Variants in RPTOR observed in about 807,000 individuals in gnomAD.
RPTOR encodes regulatory-associated protein of mTOR.
Under a neutral mutation model 169.9 loss-of-function variants are expected in RPTOR, and 21 were observed. The observed-to-expected ratio is 0.12, with a 90% CI of 0.09 to 0.18. RPTOR has a LOEUF of 0.18. Among genes scored for constraint, RPTOR ranks in the 10% least tolerant of loss-of-function variants. The probability of loss-of-function intolerance (pLI) is 1.00; values close to 1 mark genes in which losing one functional copy is unlikely to be tolerated. For synonymous variants in RPTOR, 732 were observed against 753.2 expected, an observed-to-expected ratio of 0.97 and a Z score of 0.46; for missense variants, 1,133 against 1,855.9, an observed-to-expected ratio of 0.61 and a Z score of 7.16.
chr17:80,628,195 A>G (rs2065411042), intron 2 of RPTOR, among the ~76,000 whole-genome samples: 2 of 152,210 alleles, frequency 1.3e-5, no homozygotes, highest in South Asian at 4.1e-4. Flanking sequence ...AAAGATCTTT[A>G]AAAATAATGA....
chr17:80,675,419 C>A (rs565545422), intron 3 of RPTOR, among the ~76,000 whole-genome samples: 2 of 152,326 alleles, frequency 1.3e-5, no homozygotes, highest in Admixed American at 6.5e-5. Flanking sequence ...GGCCAGCCAT[C>A]CCTCCTCTCT....
chr17:80,944,712 C>T (rs1298101618), intron 25 of RPTOR, among the ~76,000 whole-genome samples: 4 of 152,174 alleles, frequency 2.6e-5, no homozygotes, highest in Non-Finnish European at 4.4e-5. Context: ...ACTGGCTTGC[C>T]GGGCATGGTG....
At chr17:80,879,554 G>A (rs545581862) in intron 13 of RPTOR, among the ~76,000 whole-genome samples, 7 of 151,904 alleles carry the variant, frequency 4.6e-5, no homozygotes, top group Admixed American at 2.0e-4. Flanking sequence ...GCTCATCAGC[G>A]TAAAGAGGTC....
At chr17:80,696,979 A>G in intron 3 of RPTOR, among the ~76,000 whole-genome samples, 1 of 152,292 alleles carries the variant, frequency 6.6e-6, no homozygotes, top group East Asian at 1.9e-4. Flanking sequence ...CCCTGGCCCC[A>G]TCACGTAGGG....
intron 13 of RPTOR, among the ~76,000 whole-genome samples, chr17:80,866,664 A>T (rs1598363455): frequency 6.6e-6 from 1 of 152,344 alleles, no homozygotes; most frequent in Middle Eastern, 3.4e-3. Context: ...GAGCAACTTG[A>T]TGGGAGAACA....
chr17:80,707,765 A>G lies in RPTOR; in HGVS notation c.349-76A>G. 1 of 1,423,964 alleles carries G rather than the reference A, an allele frequency of 7.0e-7. No homozygotes were observed. Among genetic ancestry groups the G allele is most frequent in the South Asian group, 1.3e-5 (1 of 76,178 alleles). The allele number at this position is 1,423,964 out of a possible 1,614,324, so 88.2% of individuals were successfully genotyped here. On this transcript the variant is annotated intron_variant, in intron 3 of 33. Transcript: ENST00000306801. This position sits in a 1 kb window ranked among gnomAD's most constrained non-coding sequence, Gnocchi z 5.0. ...ACACAGCTATTAACTGCAAACCCAGAGGAAAGGGTAGGGGATGAGTTCCAA... is the reference window on the plus strand; with the variant it reads ...ACACAGCTATTAACTGCAAACCCAGGGGAAAGGGTAGGGGATGAGTTCCAA...
At position 80,861,882 on chromosome 17, in the gene RPTOR, C is replaced by T. The variant is rs779621198; in HGVS notation, c.1509+3982C>T. Among the ~76,000 whole-genome samples the T allele has an allele frequency of 2.0e-5, 3 of 152,178 alleles. No individual in the cohort carries two copies. The highest frequency in any genetic ancestry group is 4.4e-5 in the Non-Finnish European group (3 of 68,034). Reference sequence around the variant, plus strand: ...TGAAAGGGGACAGCCTTCCTCGTACCTTCCTCGTGACATTCTCACTGCATC... The same window carrying T: ...TGAAAGGGGACAGCCTTCCTCGTACTTTCCTCGTGACATTCTCACTGCATC... On this transcript the variant is annotated intron_variant, in intron 13 of 33. Coordinates refer to ENST00000306801, the MANE Select transcript of RPTOR (RefSeq NM_020761.3). The surrounding 1 kb of genome is among the most constrained non-coding windows in gnomAD (Gnocchi z 4.5).
intron 5 of RPTOR, among the ~76,000 whole-genome samples, chr17:80,731,420 C>T (rs565925186): frequency 1.8e-4 from 27 of 152,010 alleles, no homozygotes; most frequent in African/African-American, 6.3e-4. Flanking sequence ...AAAAAATCCC[C>T]GAAAACCACT....
chr17:80,822,670 G>T (rs1404306213), intron 8 of RPTOR, among the ~76,000 whole-genome samples: 1 of 152,174 alleles, frequency 6.6e-6, no homozygotes, highest in Non-Finnish European at 1.5e-5. Flanking sequence ...GTTGATTTGG[G>T]GTGTTTGTTC....
intron 7 of RPTOR, among the ~76,000 whole-genome samples, chr17:80,792,714 G>GCTCCC (rs2067061467): frequency 6.6e-6 from 1 of 152,086 alleles, no homozygotes; most frequent in South Asian, 2.1e-4. Flanking sequence ...GATGATCTGT[G>GCTCCC]CTCCCCTCCC....
intron 20 of RPTOR, among the ~76,000 whole-genome samples, chr17:80,903,617 C>G (rs1324280689): frequency 1.3e-5 from 2 of 152,202 alleles, no homozygotes; most frequent in African/African-American, 4.8e-5. Context: ...CTCTTGGGCT[C>G]AAGCAATCCT....
chr17:80,585,329 T>C (rs2065051228), intron 1 of RPTOR, among the ~76,000 whole-genome samples: 1 of 151,868 alleles, frequency 6.6e-6, no homozygotes, highest in Non-Finnish European at 1.5e-5. Context: ...CTCAGCCTCC[T>C]GAGTAGCTGA....
intron 4 of RPTOR, among the ~76,000 whole-genome samples, chr17:80,729,896 G>A (rs1383556140): frequency 6.6e-6 from 1 of 152,060 alleles, no homozygotes; most frequent in Non-Finnish European, 1.5e-5. Flanking sequence ...GGTACATGAG[G>A]GAAGCCCCAC....
intron 21 of RPTOR, 45 bp from the exon 22 acceptor site, chr17:80,922,679 A>G (rs762028568): frequency 6.8e-7 from 1 of 1,474,278 alleles, no homozygotes; most frequent in South Asian, 1.2e-5. Flanking sequence ...GCCTCCGCGG[A>G]GCACGTCCCG....
intron 3 of RPTOR, among the ~76,000 whole-genome samples, chr17:80,650,222 C>T (rs1264780975): frequency 6.6e-6 from 1 of 152,166 alleles, no homozygotes. Flanking sequence ...GCTGGCCAGC[C>T]CTGTGTTGGA....
chr17:80,783,863 CG>C (rs1356824980), intron 6 of RPTOR, among the ~76,000 whole-genome samples: 1 of 152,232 alleles, frequency 6.6e-6, no homozygotes, highest in Admixed American at 6.5e-5. Flanking sequence ...TCCTGCTTAC[CG>C]GCCTAGAAGC....
intron 13 of RPTOR, among the ~76,000 whole-genome samples, chr17:80,859,330 G>A (rs972377376): frequency 6.6e-6 from 1 of 152,238 alleles, no homozygotes; most frequent in African/African-American, 2.4e-5. Context: ...TCTGGGAAGG[G>A]CTCATTTATA....
At chr17:80,804,598 G>A (rs9893956) in intron 7 of RPTOR, 1 of 152,194 alleles carries the variant, frequency 6.6e-6, no homozygotes, top group African/African-American at 2.4e-5. Flanking sequence ...GACAGCTCCA[G>A]GCCCACGCGA....
intron 1 of RPTOR, among the ~76,000 whole-genome samples, chr17:80,591,673 C>T (rs1270558408): frequency 6.6e-6 from 1 of 152,122 alleles, no homozygotes; most frequent in Non-Finnish European, 1.5e-5. Flanking sequence ...GCCACCGTGT[C>T]CAGCCTTTCT....
Sources: allele counts gnomAD v4.1 joint callset (sites outside exome capture counted in the v4.1 genomes callset), GRCh38; gene constraint gnomAD v4.1.1; non-coding constraint Gnocchi (gnomAD v3.1); transcripts MANE v1.5; gene names NCBI Gene and HGNC (gene_info 2026-07-23, HGNC 2026-07-21).